The following ASTN2 variants were observed in gnomAD, a reference collection of about 807,000 sequenced individuals.
ASTN2 encodes the protein astrotactin 2.
Under a neutral mutation model 139.8 loss-of-function variants are expected in ASTN2, and 54 were observed. The observed-to-expected ratio is 0.39, with a 90% CI of 0.31 to 0.48. The LOEUF is 0.48. Among genes scored for constraint, ASTN2 ranks in the 20% least tolerant of loss-of-function variants. The pLI, the probability that ASTN2 is intolerant of heterozygous loss-of-function variation, is 0.95. For synonymous variants in ASTN2, 756 were observed against 719.5 expected, an observed-to-expected ratio of 1.05 and a Z score of -0.81; for missense variants, 1,565 against 1,725.1, an observed-to-expected ratio of 0.91 and a Z score of 1.64.
intron 19 of ASTN2, among the ~76,000 whole-genome samples, chr9:116,516,616 C>T (rs1850661972): frequency 6.6e-6 from 1 of 152,216 alleles, no homozygotes. Context: ...AGAGAATCCA[C>T]AGACCCTTTG....
chr9:116,626,926 C>T (rs1450350591), intron 17 of ASTN2, among the ~76,000 whole-genome samples: 3 of 152,178 alleles, frequency 2.0e-5, no homozygotes, highest in Non-Finnish European at 4.4e-5. Context: ...ATCTGCCATC[C>T]GTCATCAGCA....
intron 19 of ASTN2, among the ~76,000 whole-genome samples, chr9:116,596,415 C>A (rs907711824): frequency 1.3e-5 from 2 of 152,068 alleles, no homozygotes; most frequent in Non-Finnish European, 2.9e-5. Flanking sequence ...TGTTAAGAGG[C>A]TAGATGTCAT....
intron 11 of ASTN2, among the ~76,000 whole-genome samples, chr9:116,851,471 C>CATCTATCTATCT (rs58927400): frequency 0.014 from 2,121 of 148,978 alleles, 26 homozygotes; most frequent in Middle Eastern, 0.028. Context: ...AATTGCTAAA[C>CATCTATCTATCT]ATCTATCTAT....
intron 6 of ASTN2, among the ~76,000 whole-genome samples, chr9:117,015,329 T>G (rs1376756579): frequency 3.9e-5 from 6 of 152,168 alleles, no homozygotes; most frequent in African/African-American, 1.4e-4. Flanking sequence ...ACCTCTGACT[T>G]CTTTGACAGC....
rs184379912 is a variant in ASTN2, at chr9:116,648,975, A to G, written c.3072+2553T>C. Among the ~76,000 whole-genome samples, 329 of 152,122 alleles carry G rather than the reference A, an allele frequency of 2.2e-3. 1 individual carries two copies. Among genetic ancestry groups the G allele is most frequent in the African/African-American group, 6.5e-3 (270 of 41,516 alleles). The stretch of plus-strand genomic sequence containing the variant: ...TTTGAACCCAGGAGGCGGAGGTTGC[A>G]GTGAGCCAAGATTGCGCCACTGCAC... On this transcript the variant is annotated intron_variant, in intron 17 of 22. Transcript: ENST00000313400.
chr9:116,990,235 T>C (rs1472484515), intron 7 of ASTN2, among the ~76,000 whole-genome samples: 1 of 152,194 alleles, frequency 6.6e-6, no homozygotes, highest in Non-Finnish European at 1.5e-5. Flanking sequence ...GTTAAATCAA[T>C]TTCCCCCTTC....
At chr9:116,703,872 A>C (rs1827919656) in intron 16 of ASTN2, among the ~76,000 whole-genome samples, 1 of 152,186 alleles carries the variant, frequency 6.6e-6, no homozygotes, top group Admixed American at 6.5e-5. Context: ...AGGCATCTCA[A>C]ATTACAGACA....
rs76311209 is a variant in ASTN2, at chr9:117,175,669, T to G, written c.1016-34191A>C. ...CCATGGAGTAAGAATGGACTCCAGATAGTGAACTAGGACAATTAGCTATCC... is the reference window on the plus strand; with the variant it reads ...CCATGGAGTAAGAATGGACTCCAGAGAGTGAACTAGGACAATTAGCTATCC... On this transcript the variant is annotated intron_variant, in intron 3 of 22. Coordinates refer to ENST00000313400, the MANE Select transcript of ASTN2 (RefSeq NM_001365068.1). Among the ~76,000 whole-genome samples the G allele has an allele frequency of 3.0e-3, 463 of 152,286 alleles. 8 individuals carry two copies. The East Asian group carries it at 0.048, about 16-fold the overall frequency.
chr9:116,718,197 G>A (rs58436292), intron 16 of ASTN2, among the ~76,000 whole-genome samples: 1,685 of 152,248 alleles, frequency 0.011, 25 homozygotes, highest in African/African-American at 0.036. Flanking sequence ...TGGGTGATAT[G>A]AAGTGATCTC....
At chr9:117,112,231 A>C (rs1183259105) in intron 4 of ASTN2, among the ~76,000 whole-genome samples, 1 of 152,058 alleles carries the variant, frequency 6.6e-6, no homozygotes, top group Non-Finnish European at 1.5e-5. Context: ...GAGTAAATGA[A>C]ATACAAGTTA....
At chr9:117,374,783 TCACCAGGAG>T (rs1011665944) in intron 1 of ASTN2, among the ~76,000 whole-genome samples, 2 of 152,156 alleles carry the variant, frequency 1.3e-5, no homozygotes, top group Non-Finnish European at 2.9e-5. Context: ...GGCTAGTTTC[TCACCAGGAG>T]CACCTACCAA....
intron 10 of ASTN2, among the ~76,000 whole-genome samples, chr9:116,871,939 C>T (rs1833176958): frequency 6.6e-6 from 1 of 152,086 alleles, no homozygotes; most frequent in African/African-American, 2.4e-5. Flanking sequence ...AGGAGGAATC[C>T]CAGCTTCACT....
intron 17 of ASTN2, among the ~76,000 whole-genome samples, chr9:116,622,454 G>A (rs1300302238): frequency 6.6e-6 from 1 of 152,268 alleles, no homozygotes; most frequent in East Asian, 1.9e-4. Context: ...CACAGCACAT[G>A]GTACTGTAAG....
At chr9:116,886,828 C>A (rs1833610922) in intron 10 of ASTN2, among the ~76,000 whole-genome samples, 1 of 152,072 alleles carries the variant, frequency 6.6e-6, no homozygotes, top group Non-Finnish European at 1.5e-5. Context: ...CCCTCTCATG[C>A]AGGGGAGACA....
rs1847257476 is a variant in ASTN2, at chr9:116,424,641, C to T, written c.*1210G>A. 1.3e-5 allele frequency among the ~76,000 whole-genome samples: 2 copies of T among 151,302 alleles called. No individual in the cohort carries two copies. The highest frequency in any genetic ancestry group is 4.2e-4 in the South Asian group (2 of 4,804). On this transcript the variant is annotated 3_prime_UTR_variant, in exon 23 of 23. Transcript: ENST00000313400. ...CACCTAGGCTGGAGTCCAGTGGCTC[C>T]ATGTCAGTTCACTGCAAACTCTGCC...
At chr9:117,076,079 C>G (rs956677368) in intron 5 of ASTN2, among the ~76,000 whole-genome samples, 2 of 152,200 alleles carry the variant, frequency 1.3e-5, no homozygotes, top group African/African-American at 4.8e-5. Flanking sequence ...GCAGGCTTCA[C>G]AGTCTGGTTG....
rs563981460 is a variant in ASTN2 at position 116,434,840 on chromosome 9, T to TG, written c.3782+5768dup. Among the ~76,000 whole-genome samples the TG allele has an allele frequency of 4.9e-3, 747 of 152,288 alleles. 7 individuals are homozygous for TG. Among genetic ancestry groups the TG allele is most frequent in the African/African-American group, 0.017 (696 of 41,560 alleles). Reference sequence around the variant, plus strand: ...ACCTGTGGTCGTAAGAACCAGGCTCTGGGGGACACTGGCCTGATAGATTTA... The same window carrying TG: ...ACCTGTGGTCGTAAGAACCAGGCTCTGGGGGGACACTGGCCTGATAGATTTA... On this transcript the variant is annotated intron_variant, in intron 22 of 22. Coordinates refer to ENST00000313400, the MANE Select transcript of ASTN2 (RefSeq NM_001365068.1).
chr9:116,948,874 C>A (rs1330875344), intron 10 of ASTN2, among the ~76,000 whole-genome samples: 3 of 137,578 alleles, frequency 2.2e-5, no homozygotes, highest in Non-Finnish European at 4.6e-5. Flanking sequence ...CTCACTGCAA[C>A]CTCCACCTCC....
chr9:116,540,946 T>C (rs914901964), intron 19 of ASTN2, among the ~76,000 whole-genome samples: 3 of 151,854 alleles, frequency 2.0e-5, no homozygotes, highest in Admixed American at 6.6e-5. Context: ...TGAAAATTTT[T>C]ACAAAAGTTT....
Sources: gnomAD v4.1 joint callset for allele counts (sites outside exome capture counted in the v4.1 genomes callset) on GRCh38, gnomAD v4.1.1 for gene constraint, MANE v1.5 for transcripts, NCBI Gene and HGNC (gene_info 2026-07-23, HGNC 2026-07-21) for gene names.